The following FSAF1 variants were observed in gnomAD, a reference collection of about 807,000 sequenced individuals.
FSAF1 encodes the protein uncharacterized protein C1orf131.
At chr1:231,234,236 TTTC>T in the FSAF1 span, among the ~76,000 whole-genome samples, 1 of 152,210 alleles carries the variant, frequency 6.6e-6, no homozygotes, top group African/African-American at 2.4e-5. The surrounding 1 kb of genome is among the most constrained non-coding windows in gnomAD (Gnocchi z 4.0). Context: ...CTATTATGTG[TTTC>T]TTATCTCTTT....
At chr1:231,231,084 C>A in the FSAF1 span, among the ~76,000 whole-genome samples, 9 of 152,194 alleles carry the variant, frequency 5.9e-5, no homozygotes, top group African/African-American at 1.9e-4. Context: ...TCACAACAGA[C>A]GCACTTTCCA....
the FSAF1 span, chr1:231,224,288 C>T: frequency 1.2e-6 from 2 of 1,606,866 alleles, no homozygotes; most frequent in Non-Finnish European, 8.5e-7. Context: ...TTCATTTGGC[C>T]ACTCTGGAAG....
the FSAF1 span, chr1:231,224,313 A>T: frequency 6.2e-7 from 1 of 1,612,334 alleles, no homozygotes; most frequent in Non-Finnish European, 8.5e-7. Flanking sequence ...TATTTTCTTG[A>T]TATCAACTGG....
chr1:231,225,644 G>T, the FSAF1 span: 1 of 881,690 alleles, frequency 1.1e-6, no homozygotes. Context: ...TTTCAAGTGG[G>T]CATATTAAAC....
chr1:231,229,354 C>T, the FSAF1 span: 2 of 484,228 alleles, frequency 4.1e-6, no homozygotes, highest in Non-Finnish European at 7.4e-6. Flanking sequence ...CAGAAAATAA[C>T]AAGTGTTGGC....
At chr1:231,224,082 C>A in the FSAF1 span, 1 of 531,188 alleles carries the variant, frequency 1.9e-6, no homozygotes, top group Non-Finnish European at 3.1e-6. Context: ...TCATGCTGCA[C>A]TGGGCCTGAC....
At chr1:231,225,566 A>G in the FSAF1 span, 1 of 1,552,292 alleles carries the variant, frequency 6.4e-7, no homozygotes, top group Non-Finnish European at 8.9e-7. Context: ...AGTAGTGGAT[A>G]ATGGGATTCA....
chr1:231,227,002 G>C, the FSAF1 span: 5 of 1,614,020 alleles, frequency 3.1e-6, no homozygotes, highest in Non-Finnish European at 4.2e-6. Context: ...GCACGTTCCT[G>C]TTCCAGGATT....
the FSAF1 span, among the ~76,000 whole-genome samples, chr1:231,232,331 G>C: frequency 6.6e-6 from 1 of 152,282 alleles, no homozygotes; most frequent in Non-Finnish European, 1.5e-5. Context: ...GGAATGCCTA[G>C]GTGGCTTTCC....
chr1:231,230,255 T>A, the FSAF1 span, among the ~76,000 whole-genome samples: 1 of 152,222 alleles, frequency 6.6e-6, no homozygotes, highest in East Asian at 1.9e-4. Flanking sequence ...CAGAAAATTC[T>A]GCTTGCTGGG....
chr1:231,224,435 AG>A, the FSAF1 span: 2 of 1,594,014 alleles, frequency 1.3e-6, no homozygotes, highest in African/African-American at 1.4e-5. Flanking sequence ...AGTAAGAGAA[AG>A]GTACTATAAA....
chr1:231,235,703 T>G, the FSAF1 span, among the ~76,000 whole-genome samples: 1 of 152,132 alleles, frequency 6.6e-6, no homozygotes, highest in Non-Finnish European at 1.5e-5. Flanking sequence ...CTTGGGAGGC[T>G]GAGGCAGGAG....
At chr1:231,236,370 T>C in the FSAF1 span, among the ~76,000 whole-genome samples, 1 of 151,860 alleles carries the variant, frequency 6.6e-6, no homozygotes, top group Non-Finnish European at 1.5e-5. Flanking sequence ...AAAGGACACA[T>C]TTAAAAAAAA....
chr1:231,241,163 T>C, the FSAF1 span: 123 of 1,597,252 alleles, frequency 7.7e-5, no homozygotes, highest in Non-Finnish European at 1.0e-4. Flanking sequence ...GCACCCCCGC[T>C]TCCGGGTTCC....
chr1:231,241,012 C>T, the FSAF1 span: 1 of 1,609,046 alleles, frequency 6.2e-7, no homozygotes, highest in Non-Finnish European at 8.5e-7. Flanking sequence ...GCTCCTGGGA[C>T]CCCGCACTCA....
At chr1:231,226,480 G>C in the FSAF1 span, 7 of 539,158 alleles carry the variant, frequency 1.3e-5, no homozygotes, top group Middle Eastern at 4.5e-4. Flanking sequence ...AAATTACGCA[G>C]CATCAGGCAT....
the FSAF1 span, among the ~76,000 whole-genome samples, chr1:231,233,048 G>A: frequency 2.0e-5 from 3 of 152,288 alleles, no homozygotes; most frequent in East Asian, 5.8e-4. Flanking sequence ...GAAGTCTGGC[G>A]TAAAAGTAAG....
the FSAF1 span, among the ~76,000 whole-genome samples, chr1:231,234,109 CA>C: frequency 6.6e-6 from 1 of 152,166 alleles, no homozygotes; most frequent in African/African-American, 2.4e-5. This position sits in a 1 kb window ranked among gnomAD's most constrained non-coding sequence, Gnocchi z 4.0. Context: ...TGAACATAAA[CA>C]AACACTCTCA....
chr1:231,225,547 A>G, the FSAF1 span: 2 of 1,596,880 alleles, frequency 1.3e-6, no homozygotes, highest in African/African-American at 2.7e-5. Flanking sequence ...TTAAGATCAT[A>G]TACATATTAG....
Sources: allele counts gnomAD v4.1 joint callset (sites outside exome capture counted in the v4.1 genomes callset), GRCh38; gene constraint gnomAD v4.1.1; non-coding constraint Gnocchi (gnomAD v3.1); transcripts MANE v1.5; gene names NCBI Gene and HGNC (gene_info 2026-07-23, HGNC 2026-07-21).